The following NFIX variants were observed in gnomAD, a reference collection of about 807,000 sequenced individuals.
The protein encoded by NFIX is nuclear factor 1 X-type.
NFIX carries 2 observed loss-of-function variants against 53.3 expected under a neutral mutation model. The observed-to-expected ratio is 0.04, with a 90% CI of 0.02 to 0.12. The LOEUF is 0.12. NFIX is among the 10% of genes least tolerant of loss of function. The pLI, the probability that NFIX is intolerant of heterozygous loss-of-function variation, is 1.00. For synonymous variants in NFIX, 244 were observed against 289.0 expected (o/e 0.84, Z 1.58); for missense variants, 310 against 674.5 (o/e 0.46, Z 5.99).
In NFIX at chr19:13,096,975, A is replaced by G. The variant is rs1218926075; in HGVS notation, c.*2326A>G. ...GAAAAAAAAAAAAACAAAAATATAT[A>G]TGGGGGAAATTAACTTTTTTTTTTC... On this transcript the variant is annotated 3_prime_UTR_variant, in exon 11 of 11. Transcript: ENST00000592199. 1 of 150,062 alleles carries G rather than the reference A, an allele frequency of 6.7e-6. No homozygotes were observed. The highest frequency in any genetic ancestry group is 1.5e-5 in the Non-Finnish European group (1 of 67,542). 9.3% of individuals were successfully genotyped at this position (150,062 alleles called of 1,614,324 possible). A position where few individuals can be genotyped will look rare whatever the true frequency, so the allele number is the denominator to read the frequency against.
rs937047758 is a variant in NFIX at position 13,066,756 on chromosome 19, CAT to C, written c.560-6290_560-6289del. Among the ~76,000 whole-genome samples the C allele has an allele frequency of 9.9e-5, 15 of 151,998 alleles. No individual in the cohort carries two copies. The highest frequency in any genetic ancestry group is 1.5e-4 in the Non-Finnish European group (10 of 67,932). On this transcript the variant is annotated intron_variant, in intron 2 of 10. Transcript: ENST00000592199. This position sits in a 1 kb window ranked among gnomAD's most constrained non-coding sequence, Gnocchi z 4.2. ...GTGCATGTGTGTGTGTGTTTGTGCA[CAT>C]GTGTGTGTGCACATGCATGGTGGCT...
chr19:13,032,307 G>A (rs1430602023), intron 2 of NFIX, among the ~76,000 whole-genome samples: 3 of 152,118 alleles, frequency 2.0e-5, no homozygotes, highest in African/African-American at 7.2e-5. Flanking sequence ...GAGCTCCCAG[G>A]GTGACAGGAG....
At position 13,096,699 on chromosome 19, in the gene NFIX, G is replaced by A; in HGVS notation, c.*2050G>A. On this transcript the variant is annotated 3_prime_UTR_variant, in exon 11 of 11. Coordinates refer to ENST00000592199, the MANE Select transcript of NFIX (RefSeq NM_001365902.3). ...GTCAGAGCTGAGAGCGAAGCAGAAG[G>A]GGCTCCCTGTCCGGCCCACGTGCCC... The A allele has an allele frequency of 6.6e-6, 1 of 152,572 alleles. No individual in the cohort carries two copies. The highest frequency in any genetic ancestry group is 1.5e-5 in the Non-Finnish European group (1 of 67,998). 9.5% of individuals were successfully genotyped at this position (152,572 alleles called of 1,614,324 possible).
intron 5 of NFIX, 33 bp downstream of exon 5, chr19:13,074,059 C>T (rs747930998): frequency 6.2e-7 from 1 of 1,612,942 alleles, no homozygotes; most frequent in Non-Finnish European, 8.5e-7. Flanking sequence ...TCCATCTTCT[C>T]TCCACTCCCC....
rs960025411 is a variant in NFIX, at chr19:13,012,450, C to A, written c.28-12571C>A. 3.3e-5 allele frequency among the ~76,000 whole-genome samples: 5 copies of A among 151,388 alleles called. No homozygotes were observed. The highest frequency in any genetic ancestry group is 1.2e-4 in the African/African-American group (5 of 41,284). Reference sequence around the variant, plus strand: ...GGCCTGCCCCTCACAGTGACCCCCCCGACCCACCCCCCAAAAAGTGACCCC... The same window carrying A: ...GGCCTGCCCCTCACAGTGACCCCCCAGACCCACCCCCCAAAAAGTGACCCC... On this transcript the variant is annotated intron_variant, in intron 1 of 10. Coordinates refer to ENST00000592199, the MANE Select transcript of NFIX (RefSeq NM_001365902.3). The surrounding 1 kb of genome is among the most constrained non-coding windows in gnomAD (Gnocchi z 5.0).
Position 13,095,060 on chromosome 19 carries a change from A to C in NFIX, c.*411A>C. ...CTGAAGGGGCCTGGCCTCCACCCTC[A>C]CCCCTTCCTAGGGGAACCCCACCCT... On this transcript the variant is annotated 3_prime_UTR_variant, in exon 11 of 11. Coordinates refer to ENST00000592199, the MANE Select transcript of NFIX (RefSeq NM_001365902.3). 5.9e-6 allele frequency: 1 copy of C among 170,640 alleles called. No individual in the cohort carries two copies. Among genetic ancestry groups the C allele is most frequent in the South Asian group, 1.4e-4 (1 of 7,092 alleles). 10.6% of individuals were successfully genotyped at this position (170,640 alleles called of 1,614,324 possible). A position where few individuals can be genotyped will look rare whatever the true frequency, so the allele number is the denominator to read the frequency against.
rs1369758669 is a variant in NFIX at position 12,998,929 on chromosome 19, T to C, written c.27+3065T>C. ...TTCACAACCACCCCCAGCGCACACA[T>C]AAACACTCACAAACCCCTCGAGATG... is the stretch of plus-strand genomic sequence containing the variant. On this transcript the variant is annotated intron_variant, in intron 1 of 10. Coordinates refer to ENST00000592199, the MANE Select transcript of NFIX (RefSeq NM_001365902.3). This position sits in a 1 kb window ranked among gnomAD's most constrained non-coding sequence, Gnocchi z 4.4. 1.3e-5 allele frequency among the ~76,000 whole-genome samples: 2 copies of C among 151,904 alleles called. No homozygotes were observed. Among genetic ancestry groups the C allele is most frequent in the African/African-American group, 4.8e-5 (2 of 41,336 alleles).
rs528115026 is a variant in NFIX at position 13,001,490 on chromosome 19, C to A, written c.27+5626C>A. ...CGCACGTCAACGGGTATTGGTGTAC[C>A]GGTCACCATCTTTGTATCTGCGCTT... On this transcript the variant is annotated intron_variant, in intron 1 of 10. Transcript: ENST00000592199. The surrounding 1 kb of genome is among the most constrained non-coding windows in gnomAD (Gnocchi z 6.5). 6.6e-6 allele frequency among the ~76,000 whole-genome samples: 1 copy of A among 152,208 alleles called. No individual in the cohort carries two copies. The highest frequency in any genetic ancestry group is 1.9e-4 in the East Asian group (1 of 5,176).
At chr19:13,042,423 C>T (rs1161364925) in intron 2 of NFIX, among the ~76,000 whole-genome samples, 1 of 128,554 alleles carries the variant, frequency 7.8e-6, no homozygotes, top group African/African-American at 3.0e-5. Context: ...GGCACTATCT[C>T]AGCTCACTGC....
intron 6 of NFIX, among the ~76,000 whole-genome samples, chr19:13,077,047 T>A (rs1355530282): frequency 1.3e-5 from 2 of 151,708 alleles, no homozygotes; most frequent in Non-Finnish European, 2.9e-5. Context: ...GAGAGAGGAG[T>A]TGAGAAGGCC....
intron 2 of NFIX, chr19:13,070,615 C>G (rs1431396886): frequency 6.6e-6 from 1 of 152,394 alleles, no homozygotes; most frequent in Non-Finnish European, 1.5e-5. Context: ...CCGGCGGTCG[C>G]GGCATTGTGG....
intron 5 of NFIX, 40 bp from the exon 6 acceptor site, chr19:13,075,495 G>A (rs1568318430): frequency 6.8e-6 from 11 of 1,608,228 alleles, no homozygotes; most frequent in Non-Finnish European, 8.5e-6. Flanking sequence ...TGGAGCCTCA[G>A]CCCATCCTTG....
At chr19:13,064,797 A>G (rs963627860) in intron 2 of NFIX, among the ~76,000 whole-genome samples, 6 of 152,190 alleles carry the variant, frequency 3.9e-5, no homozygotes, top group Admixed American at 6.5e-5. Context: ...CAGAGTTGAG[A>G]AGGAGGAATA....
Position 13,072,917 on chromosome 19 carries a change from TG to T in NFIX, c.560-126del. 2.3e-6 allele frequency: 2 copies of T among 862,164 alleles called. No homozygotes were observed. Among genetic ancestry groups the T allele is most frequent in the Admixed American group, 3.6e-5 (2 of 56,110 alleles). The allele number at this position is 862,164 out of a possible 1,614,324, so 53.4% of individuals were successfully genotyped here. A position where few individuals can be genotyped will look rare whatever the true frequency, so the allele number is the denominator to read the frequency against. ...TCCTGGGGCTGGTTTGGGGAGAGGGTGGGGTGAAGGTTTCTGTAGCCAGGGT... is the reference window on the plus strand; with the variant it reads ...TCCTGGGGCTGGTTTGGGGAGAGGGTGGGTGAAGGTTTCTGTAGCCAGGGT... On this transcript the variant is annotated intron_variant, in intron 2 of 10. Coordinates refer to ENST00000592199, the MANE Select transcript of NFIX (RefSeq NM_001365902.3). The surrounding 1 kb of genome is among the most constrained non-coding windows in gnomAD (Gnocchi z 4.0).
chr19:13,034,393 G>A (rs899038630), intron 2 of NFIX, among the ~76,000 whole-genome samples: 2 of 152,200 alleles, frequency 1.3e-5, no homozygotes, highest in African/African-American at 4.8e-5. Flanking sequence ...TAGCATAGAC[G>A]GGCTGAGTCT....
At position 12,996,661 on chromosome 19, in the gene NFIX, G is replaced by C. The variant is rs564254903; in HGVS notation, c.27+797G>C. Among the ~76,000 whole-genome samples, 41 of 152,308 alleles carry C rather than the reference G, an allele frequency of 2.7e-4. 1 individual carries two copies. The South Asian group carries it at 8.5e-3, about 32-fold the overall frequency. On this transcript the variant is annotated intron_variant, in intron 1 of 10. Transcript: ENST00000592199. This position sits in a 1 kb window ranked among gnomAD's most constrained non-coding sequence, Gnocchi z 5.2. ...CAGCGACCCGGGCTGCTGCGGAGTG[G>C]ACCCGGCAGGCCTGGGGAATCCCGT... is the stretch of plus-strand genomic sequence containing the variant.
Position 13,088,741 on chromosome 19 carries a change from C to T in NFIX, c.1402+605C>T, listed in dbSNP as rs889062217. Among the ~76,000 whole-genome samples the T allele has an allele frequency of 2.0e-5, 3 of 152,016 alleles. No homozygotes were observed. Among genetic ancestry groups the T allele is most frequent in the African/African-American group, 2.4e-5 (1 of 41,372 alleles). ...TTTTCCCCCCCTTCCATCCCTCTCC[C>T]GTCCCTTCTCCGCAATTCCTTTCCC... On this transcript the variant is annotated intron_variant, in intron 9 of 10. Transcript: ENST00000592199. This position sits in a 1 kb window ranked among gnomAD's most constrained non-coding sequence, Gnocchi z 5.9.
rs1478672449 is a variant in NFIX, at chr19:13,088,513, T to C, written c.1402+377T>C. Among the ~76,000 whole-genome samples, 1 of 151,866 alleles carries C rather than the reference T, an allele frequency of 6.6e-6. No homozygotes were observed. On this transcript the variant is annotated intron_variant, in intron 9 of 10. Coordinates refer to ENST00000592199, the MANE Select transcript of NFIX (RefSeq NM_001365902.3). This position sits in a 1 kb window ranked among gnomAD's most constrained non-coding sequence, Gnocchi z 5.9. ...TGTTTTTTTTTTTTTGTTTTTTGTTTTTGTTTTTTAATTTTTTTGTTGTTT... is the reference window on the plus strand; with the variant it reads ...TGTTTTTTTTTTTTTGTTTTTTGTTCTTGTTTTTTAATTTTTTTGTTGTTT...
intron 1 of NFIX, among the ~76,000 whole-genome samples, chr19:13,000,909 G>A (rs1022307865): frequency 2.0e-5 from 3 of 152,202 alleles, no homozygotes; most frequent in Non-Finnish European, 2.9e-5. Context: ...CGTGGTTGGT[G>A]TGTTGACTGC....
Sources: allele counts gnomAD v4.1 joint callset (sites outside exome capture counted in the v4.1 genomes callset), GRCh38; gene constraint gnomAD v4.1.1; non-coding constraint Gnocchi (gnomAD v3.1); transcripts MANE v1.5; gene names NCBI Gene and HGNC (gene_info 2026-07-23, HGNC 2026-07-21).